Variants in PTPRT observed in about 807,000 individuals in gnomAD.
PTPRT encodes receptor-type tyrosine-protein phosphatase T.
A neutral mutation model predicts 176.8 loss-of-function variants in PTPRT; 56 were observed. The observed-to-expected ratio is 0.32, with a 90% CI of 0.26 to 0.40. PTPRT has a LOEUF of 0.40. Among genes scored for constraint, PTPRT ranks in the 10% least tolerant of loss-of-function variants. The pLI is 1.00. For synonymous variants in PTPRT, 783 were observed against 739.0 expected (o/e 1.06, Z -0.96); for missense variants, 1,540 against 1,908.2 (o/e 0.81, Z 3.60).
At chr20:43,077,242 G>A (rs1433014714) in intron 1 of PTPRT, among the ~76,000 whole-genome samples, 1 of 152,142 alleles carries the variant, frequency 6.6e-6, no homozygotes, top group Admixed American at 6.5e-5. Flanking sequence ...GTTGTGCCAA[G>A]GGCTTCATGT....
chr20:42,623,643 T>C (rs1374190975), intron 7 of PTPRT, among the ~76,000 whole-genome samples: 1 of 152,156 alleles, frequency 6.6e-6, no homozygotes, highest in East Asian at 1.9e-4. Flanking sequence ...ATTGGAATTT[T>C]TGCAAAGCAT....
At chr20:42,201,296 TCAAA>T (rs375653026) in intron 15 of PTPRT, among the ~76,000 whole-genome samples, 1 of 151,976 alleles carries the variant, frequency 6.6e-6, no homozygotes, top group Non-Finnish European at 1.5e-5. Flanking sequence ...TGAGACCCCA[TCAAA>T]CAAACAAACA....
At chr20:43,122,458 G>C (rs921835699) in intron 1 of PTPRT, among the ~76,000 whole-genome samples, 8 of 152,130 alleles carry the variant, frequency 5.3e-5, no homozygotes, top group African/African-American at 1.9e-4. Context: ...ATACGGTTTG[G>C]GTGTTTGTCC....
At chr20:42,357,455 G>C (rs894218674) in intron 9 of PTPRT, among the ~76,000 whole-genome samples, 4 of 152,164 alleles carry the variant, frequency 2.6e-5, no homozygotes, top group African/African-American at 7.2e-5. Flanking sequence ...TGTGTAGCTT[G>C]AGGGATTGCT....
intron 7 of PTPRT, among the ~76,000 whole-genome samples, chr20:42,670,689 G>A (rs74496716): frequency 0.03 from 4,596 of 152,250 alleles, 203 homozygotes; most frequent in African/African-American, 0.094. Flanking sequence ...CTGGGACTCC[G>A]CAAGACTACA....
At chr20:42,209,938 G>T (rs2146729101) in intron 15 of PTPRT, among the ~76,000 whole-genome samples, 1 of 152,224 alleles carries the variant, frequency 6.6e-6, no homozygotes, top group South Asian at 2.1e-4. Context: ...ACATCAAAAA[G>T]CTTATCCACC....
chr20:43,128,031 T>C (rs2013509427), intron 1 of PTPRT, among the ~76,000 whole-genome samples: 1 of 152,226 alleles, frequency 6.6e-6, no homozygotes, highest in Non-Finnish European at 1.5e-5. Context: ...AAAAAGCTAC[T>C]CTTTCCATAG....
At chr20:42,716,236 T>C (rs1440435577) in intron 6 of PTPRT, among the ~76,000 whole-genome samples, 1 of 152,106 alleles carries the variant, frequency 6.6e-6, no homozygotes, top group Non-Finnish European at 1.5e-5. Context: ...ATAATTGCTA[T>C]TTAAAAAAAA....
Position 42,185,393 on chromosome 20 carries a change from C to T in PTPRT, c.2491+13847G>A, listed in dbSNP as rs541689448. 1.1e-4 allele frequency among the ~76,000 whole-genome samples: 17 copies of T among 152,224 alleles called. No individual in the cohort carries two copies. In the South Asian group the frequency reaches 3.5e-3, roughly 32 times the overall value. On this transcript the variant is annotated intron_variant, in intron 16 of 30. Coordinates refer to ENST00000373187, the MANE Select transcript of PTPRT (RefSeq NM_007050.6). ...TCACCAGCTGATTTCTCTTCCTATTCCTATGATTGAAGGACTAATTGTATC... is the reference window on the plus strand; with the variant it reads ...TCACCAGCTGATTTCTCTTCCTATTTCTATGATTGAAGGACTAATTGTATC...
At chr20:42,391,894 G>A (rs1483672198) in intron 9 of PTPRT, among the ~76,000 whole-genome samples, 1 of 152,118 alleles carries the variant, frequency 6.6e-6, no homozygotes, top group Non-Finnish European at 1.5e-5. Context: ...TACTGTCTAG[G>A]TTCTCCCCAA....
intron 27 of PTPRT, among the ~76,000 whole-genome samples, chr20:42,094,268 TCAGCCA>T (rs1984961361): frequency 6.6e-6 from 1 of 152,194 alleles, no homozygotes; most frequent in Admixed American, 6.5e-5. Flanking sequence ...TTTTATTTCT[TCAGCCA>T]AAAGCGTAGG....
chr20:43,121,319 A>C (rs1338514707), intron 1 of PTPRT, among the ~76,000 whole-genome samples: 8 of 152,252 alleles, frequency 5.3e-5, no homozygotes, highest in African/African-American at 1.9e-4. Context: ...ATTTGTGTAC[A>C]TGCCCATGAG....
intron 2 of PTPRT, among the ~76,000 whole-genome samples, chr20:42,847,491 C>T (rs943159220): frequency 2.0e-5 from 3 of 152,168 alleles, no homozygotes; most frequent in African/African-American, 7.2e-5. Flanking sequence ...TTGAAAGGGT[C>T]GCGTGAACAC....
intron 1 of PTPRT, among the ~76,000 whole-genome samples, chr20:43,105,383 G>A (rs761164125): frequency 6.6e-6 from 1 of 151,602 alleles, no homozygotes; most frequent in Non-Finnish European, 1.5e-5. Context: ...ATGAAGATCA[G>A]TAGTTCATTC....
intron 1 of PTPRT, among the ~76,000 whole-genome samples, chr20:43,035,850 C>A (rs1219641227): frequency 6.6e-6 from 1 of 152,178 alleles, no homozygotes. Flanking sequence ...AGATAAAGCA[C>A]CATTATTCAA....
chr20:42,751,773 G>A (rs956370922), intron 6 of PTPRT, among the ~76,000 whole-genome samples: 7 of 152,000 alleles, frequency 4.6e-5, no homozygotes, highest in Non-Finnish European at 7.4e-5. Flanking sequence ...AGGGGCTCTC[G>A]GGCCTTTGGC....
Position 42,892,715 on chromosome 20 carries a change from TG to T in PTPRT, c.89-6784del, listed in dbSNP as rs1426932367. ...ACTCCACATACATTCTCATGATTCT[TG>T]GGGGAGACGTCAGCACTGGGGACCC... is the stretch of plus-strand genomic sequence containing the variant. On this transcript the variant is annotated intron_variant, in intron 1 of 30. Transcript: ENST00000373187. Among the ~76,000 whole-genome samples the T allele has an allele frequency of 2.0e-5, 3 of 152,172 alleles. No homozygotes were observed. The South Asian group carries it at 6.3e-4, about 32-fold the overall frequency.
chr20:42,119,634 C>T (rs560421507), intron 20 of PTPRT, among the ~76,000 whole-genome samples: 7 of 152,204 alleles, frequency 4.6e-5, no homozygotes, highest in Non-Finnish European at 7.3e-5. Context: ...TCCCTCCTGA[C>T]CAAGTGAAGC....
At chr20:42,610,376 T>C (rs1222597318) in intron 7 of PTPRT, among the ~76,000 whole-genome samples, 2 of 137,888 alleles carry the variant, frequency 1.5e-5, no homozygotes, top group African/African-American at 3.2e-5. Flanking sequence ...GTTTACTTGT[T>C]TTGTTTTTTT....
Sources: gnomAD v4.1 joint callset for allele counts (sites outside exome capture counted in the v4.1 genomes callset) on GRCh38, gnomAD v4.1.1 for gene constraint, MANE v1.5 for transcripts, NCBI Gene and HGNC (gene_info 2026-07-23, HGNC 2026-07-21) for gene names.